MDGA2: variants seen among roughly 807,000 people sequenced by gnomAD.
MDGA2 encodes MAM domain containing glycosylphosphatidylinositol anchor 2.
In MDGA2, 40 loss-of-function variants were observed where a neutral mutation model predicts 117.8. The ratio of observed to expected loss-of-function variants is 0.34; its 90% CI spans 0.26 to 0.44. The LOEUF (loss-of-function observed/expected upper bound fraction) is 0.44. Ranked by LOEUF, MDGA2 falls within the 20% of genes least tolerant of loss-of-function variation. The pLI is 1.00. For missense variants in MDGA2, 1,123 were observed against 1,250.6 expected (o/e 0.90, Z 1.54); for synonymous variants, 452 against 439.0 (o/e 1.03, Z -0.37).
intron 1 of MDGA2, among the ~76,000 whole-genome samples, chr14:47,563,970 C>T (rs2138806795): frequency 6.6e-6 from 1 of 152,238 alleles, no homozygotes; most frequent in East Asian, 1.9e-4. Context: ...AATCCTTTAG[C>T]ACTTGCTTGT....
chr14:46,940,267 TAATA>T (rs1175588319), intron 9 of MDGA2, among the ~76,000 whole-genome samples: 1 of 152,192 alleles, frequency 6.6e-6, no homozygotes, highest in African/African-American at 2.4e-5. Context: ...AACTCAAGAA[TAATA>T]AATATACTAT....
intron 1 of MDGA2, among the ~76,000 whole-genome samples, chr14:47,381,580 G>A (rs1023184878): frequency 6.6e-6 from 1 of 152,088 alleles, no homozygotes; most frequent in Non-Finnish European, 1.5e-5. Flanking sequence ...GACAAACAGA[G>A]AGCCAAATCA....
intron 2 of MDGA2, among the ~76,000 whole-genome samples, chr14:47,299,857 T>G (rs1390029221): frequency 6.6e-6 from 1 of 152,222 alleles, no homozygotes; most frequent in East Asian, 1.9e-4. Flanking sequence ...TAATCCATTT[T>G]CAGTTAATAG....
intron 2 of MDGA2, among the ~76,000 whole-genome samples, chr14:47,255,092 G>C (rs1887573850): frequency 6.6e-6 from 1 of 152,176 alleles, no homozygotes; most frequent in Non-Finnish European, 1.5e-5. Flanking sequence ...TGACATTTGG[G>C]TGGGGACACA....
intron 1 of MDGA2, among the ~76,000 whole-genome samples, chr14:47,451,463 A>G (rs776143608): frequency 1.3e-5 from 2 of 152,132 alleles, no homozygotes; most frequent in South Asian, 4.1e-4. Flanking sequence ...AGCCACACAG[A>G]TAACAGGATA....
intron 14 of MDGA2, among the ~76,000 whole-genome samples, chr14:46,861,294 AAT>A (rs1014556451): frequency 6.6e-6 from 1 of 151,896 alleles, no homozygotes; most frequent in African/African-American, 2.4e-5. Flanking sequence ...AAAACATATT[AAT>A]ATGTGTGACT....
At chr14:47,523,840 G>A (rs534495709) in intron 1 of MDGA2, among the ~76,000 whole-genome samples, 8 of 152,256 alleles carry the variant, frequency 5.3e-5, no homozygotes, top group South Asian at 2.1e-4. Flanking sequence ...TCACTGAAAC[G>A]AAATGTCCCT....
chr14:46,897,810 G>T (rs888237013), intron 10 of MDGA2, among the ~76,000 whole-genome samples: 1 of 151,760 alleles, frequency 6.6e-6, no homozygotes, highest in East Asian at 1.9e-4. Context: ...ATAATAATCT[G>T]GGAACATATA....
At chr14:46,892,109 T>G (rs1043426077) in intron 10 of MDGA2, among the ~76,000 whole-genome samples, 1 of 151,724 alleles carries the variant, frequency 6.6e-6, no homozygotes, top group African/African-American at 2.4e-5. Context: ...GAAAATAATA[T>G]AAAAATGTGT....
At chr14:47,233,572 G>C (rs1886760291) in intron 2 of MDGA2, among the ~76,000 whole-genome samples, 1 of 152,052 alleles carries the variant, frequency 6.6e-6, no homozygotes, top group Non-Finnish European at 1.5e-5. Flanking sequence ...TATGTAGTAT[G>C]AGTAAGGTGG....
At chr14:47,431,160 T>C (rs764365301) in intron 1 of MDGA2, among the ~76,000 whole-genome samples, 32 of 152,060 alleles carry the variant, frequency 2.1e-4, no homozygotes, top group Non-Finnish European at 3.8e-4. Flanking sequence ...TATATAAGTA[T>C]ATATTCATAT....
At chr14:47,262,273 T>C (rs1054946253) in intron 2 of MDGA2, among the ~76,000 whole-genome samples, 1 of 152,178 alleles carries the variant, frequency 6.6e-6, no homozygotes, top group South Asian at 2.1e-4. Context: ...GGGACCACTG[T>C]GGGAATGGTG....
intron 8 of MDGA2, among the ~76,000 whole-genome samples, chr14:47,003,766 T>C (rs1274883026): frequency 6.6e-6 from 1 of 152,076 alleles, no homozygotes; most frequent in Non-Finnish European, 1.5e-5. Flanking sequence ...AGCAGAAGTT[T>C]ATGGCATTTA....
Position 47,663,883 on chromosome 14 carries a change from A to G in MDGA2, c.280+10634T>C, listed in dbSNP as rs1277062683. ...CTGTTTTCCAATTAGTCTTGAAATG[A>G]AGACTATTAATTAGTCTTGAAGACT... On this transcript the variant is annotated intron_variant, in intron 1 of 16. Coordinates refer to ENST00000399232, the MANE Select transcript of MDGA2 (RefSeq NM_001113498.3). Among the ~76,000 whole-genome samples, 3 of 151,948 alleles carry G rather than the reference A, an allele frequency of 2.0e-5. No homozygotes were observed. In the East Asian group the frequency reaches 5.8e-4, roughly 29 times the overall value.
chr14:47,115,576 G>T (rs1328847098), intron 5 of MDGA2, among the ~76,000 whole-genome samples: 1 of 151,756 alleles, frequency 6.6e-6, no homozygotes, highest in Admixed American at 6.6e-5. Context: ...GAGGGGAAAA[G>T]GAGAAAGAAA....
chr14:46,982,705 CAAAAAAAAAAAAAAAAA>C (rs59530070), intron 8 of MDGA2, among the ~76,000 whole-genome samples: 3 of 45,936 alleles, frequency 6.5e-5, no homozygotes, highest in East Asian at 1.0e-3. Flanking sequence ...GAGACTCCAT[CAAAAAAAAAAAAAAAAA>C]AAAAAAAAAA....
intron 5 of MDGA2, among the ~76,000 whole-genome samples, chr14:47,124,178 C>CTT (rs1881786588): frequency 6.6e-6 from 1 of 151,928 alleles, no homozygotes; most frequent in African/African-American, 2.4e-5. Context: ...TCTTCCATTT[C>CTT]ACATATTAGC....
chr14:47,063,640 C>G (rs942382215), intron 6 of MDGA2, among the ~76,000 whole-genome samples: 1 of 151,900 alleles, frequency 6.6e-6, no homozygotes, highest in Non-Finnish European at 1.5e-5. Context: ...CTTTTATTAG[C>G]ACCATAACAG....
chr14:47,619,109 G>A (rs1896999314), intron 1 of MDGA2, among the ~76,000 whole-genome samples: 1 of 109,546 alleles, frequency 9.1e-6, no homozygotes, highest in Non-Finnish European at 1.9e-5. Context: ...CTGAGCCTCA[G>A]TTTAATTACA....
Sources: allele counts gnomAD v4.1 joint callset (sites outside exome capture counted in the v4.1 genomes callset), GRCh38; gene constraint gnomAD v4.1.1; transcripts MANE v1.5; gene names NCBI Gene and HGNC (gene_info 2026-07-23, HGNC 2026-07-21).